Variants in TNS3 observed in about 807,000 individuals in gnomAD.
The protein encoded by TNS3 is tensin-3.
A neutral mutation model predicts 140.9 loss-of-function variants in TNS3; 45 were observed. The observed-to-expected ratio is 0.32, with a 90% CI of 0.25 to 0.41. The LOEUF (loss-of-function observed/expected upper bound fraction) is 0.41, where lower values mean the gene tolerates loss of function less well. Among genes scored for constraint, TNS3 ranks in the 10% least tolerant of loss-of-function variants. TNS3 has a pLI of 1.00. For missense variants in TNS3, 1,716 were observed against 1,906.7 expected, an observed-to-expected ratio of 0.90 and a Z score of 1.86; for synonymous variants, 815 against 788.4, an observed-to-expected ratio of 1.03 and a Z score of -0.56.
intron 20 of TNS3, among the ~76,000 whole-genome samples, chr7:47,343,844 A>G (rs1265090997): frequency 2.0e-5 from 3 of 152,218 alleles, no homozygotes; most frequent in East Asian, 1.9e-4. Flanking sequence ...TCCTGAAACC[A>G]TAAAGGGAAT....
At chr7:47,423,782 C>G (rs1189883812) in intron 10 of TNS3, among the ~76,000 whole-genome samples, 1 of 152,180 alleles carries the variant, frequency 6.6e-6, no homozygotes, top group Non-Finnish European at 1.5e-5. Flanking sequence ...GCCAATAGAA[C>G]CAAGTTCCAA....
At chr7:47,389,077 AGAAGAAGAGGAAGAG>A (rs1562675219) in intron 16 of TNS3, among the ~76,000 whole-genome samples, 3 of 61,248 alleles carry the variant, frequency 4.9e-5, no homozygotes, top group South Asian at 8.4e-4. Flanking sequence ...AAGAAGAAGA[AGAAGAAGAGGAAGAG>A]GAAGAGGAAG....
At chr7:47,280,010 A>C in intron 30 of TNS3, 154 bp downstream of exon 30, 1 of 874,902 alleles carries the variant, frequency 1.1e-6, no homozygotes, top group Non-Finnish European at 1.8e-6. Context: ...CTTGTCCATA[A>C]TGAGAACACT....
At chr7:47,288,670 A>G (rs907065065) in intron 27 of TNS3, among the ~76,000 whole-genome samples, 1 of 152,098 alleles carries the variant, frequency 6.6e-6, no homozygotes, top group Non-Finnish European at 1.5e-5. Flanking sequence ...ACCCCCTAAA[A>G]CAGATTTAGG....
chr7:47,389,460 TG>T (rs2151286518), intron 16 of TNS3, among the ~76,000 whole-genome samples: 1 of 152,340 alleles, frequency 6.6e-6, no homozygotes, highest in East Asian at 1.9e-4. Flanking sequence ...GCCACTCTTG[TG>T]GGCTGATTTC....
At chr7:47,527,076 CAA>C (rs5884014) in intron 2 of TNS3, among the ~76,000 whole-genome samples, 1 of 148,108 alleles carries the variant, frequency 6.8e-6, no homozygotes, top group African/African-American at 2.5e-5. Flanking sequence ...ATTAAAAATA[CAA>C]AAAAAAAAAT....
At chr7:47,326,379 C>T (rs544313919) in intron 20 of TNS3, among the ~76,000 whole-genome samples, 37 of 152,274 alleles carry the variant, frequency 2.4e-4, no homozygotes, top group African/African-American at 7.0e-4. Flanking sequence ...ACAAGACATC[C>T]CTGCCTCCCA....
intron 1 of TNS3, among the ~76,000 whole-genome samples, chr7:47,564,646 AAAACAAAAAAAAAC>A (rs1251704945): frequency 5.9e-5 from 2 of 34,058 alleles, no homozygotes; most frequent in Non-Finnish European, 1.2e-4. Flanking sequence ...AAAAAAAAAA[AAAACAAAAAAAAAC>A]AAAAAAAGAC....
chr7:47,324,767 A>AT (rs1206960191), intron 20 of TNS3, among the ~76,000 whole-genome samples: 1 of 152,206 alleles, frequency 6.6e-6, no homozygotes, highest in Non-Finnish European at 1.5e-5. Flanking sequence ...ATGAATAAAT[A>AT]TTTTTTAAAA....
intron 9 of TNS3, 42 bp downstream of exon 9, chr7:47,428,270 C>T: frequency 7.3e-7 from 1 of 1,362,330 alleles, no homozygotes; most frequent in Non-Finnish European, 9.6e-7. Context: ...GCAGGCCCAG[C>T]TTTTAGCACC....
chr7:47,570,812 A>AT (rs963411286), intron 1 of TNS3, among the ~76,000 whole-genome samples: 10 of 150,438 alleles, frequency 6.6e-5, no homozygotes, highest in East Asian at 2.0e-4. Context: ...AGCTCTTATC[A>AT]TTTTTTTTCT....
At chr7:47,336,709 A>T (rs947070621) in intron 20 of TNS3, among the ~76,000 whole-genome samples, 1 of 152,216 alleles carries the variant, frequency 6.6e-6, no homozygotes, top group Non-Finnish European at 1.5e-5. Flanking sequence ...GTATCAAAAC[A>T]TCTCATGTAC....
chr7:47,430,302 G>C (rs1794867082), intron 8 of TNS3, among the ~76,000 whole-genome samples: 1 of 151,742 alleles, frequency 6.6e-6, no homozygotes, highest in South Asian at 2.1e-4. Flanking sequence ...CTAATTTTTT[G>C]TATTTTTAAT....
intron 17 of TNS3, 137 bp from the exon 18 acceptor site, chr7:47,346,493 G>A (rs1789353933): frequency 9.0e-7 from 1 of 1,106,576 alleles, no homozygotes; most frequent in Non-Finnish European, 1.3e-6. Context: ...GGAAGATGCT[G>A]TGGTTGCTGA....
chr7:47,362,647 G>A (rs1327474995), intron 17 of TNS3, among the ~76,000 whole-genome samples: 1 of 152,098 alleles, frequency 6.6e-6, no homozygotes, highest in Non-Finnish European at 1.5e-5. Flanking sequence ...GTGAAATGAA[G>A]GTACCTAAAA....
intron 17 of TNS3, among the ~76,000 whole-genome samples, chr7:47,348,469 A>C (rs1452531243): frequency 1.3e-5 from 2 of 152,242 alleles, no homozygotes; most frequent in African/African-American, 2.4e-5. Flanking sequence ...GGGAGGGAAT[A>C]GTACTTCTGT....
chr7:47,305,368 C>G (rs1253668050), intron 20 of TNS3, among the ~76,000 whole-genome samples: 1 of 152,262 alleles, frequency 6.6e-6, no homozygotes, highest in Admixed American at 6.5e-5. Flanking sequence ...AATGTACTCT[C>G]CACTCCATGA....
chr7:47,340,499 C>T (rs1788938813), intron 20 of TNS3, among the ~76,000 whole-genome samples: 1 of 151,838 alleles, frequency 6.6e-6, no homozygotes, highest in African/African-American at 2.4e-5. Flanking sequence ...GTGTGTCGAA[C>T]TAGAATCCTG....
At chr7:47,471,735 C>CCA (rs1367271587) in intron 4 of TNS3, among the ~76,000 whole-genome samples, 1 of 152,210 alleles carries the variant, frequency 6.6e-6, no homozygotes, top group Non-Finnish European at 1.5e-5. Context: ...TGCCCAGGAG[C>CCA]CACCTCCCCC....
Sources: allele counts gnomAD v4.1 joint callset (sites outside exome capture counted in the v4.1 genomes callset), GRCh38; gene constraint gnomAD v4.1.1; transcripts MANE v1.5; gene names NCBI Gene and HGNC (gene_info 2026-07-23, HGNC 2026-07-21).